Variants in KCNH4 observed in about 807,000 individuals in gnomAD.
The protein encoded by KCNH4 is potassium voltage-gated channel subfamily H member 4, also known as voltage-gated delayed rectifier potassium channel KCNH4.
Under a neutral mutation model 90.7 loss-of-function variants are expected in KCNH4, and 33 were observed. The ratio of observed to expected loss-of-function variants is 0.36; its 90% CI spans 0.28 to 0.49. The LOEUF (loss-of-function observed/expected upper bound fraction) is 0.49, where lower values mean the gene tolerates loss of function less well. Among genes scored for constraint, KCNH4 ranks in the 20% least tolerant of loss-of-function variants. KCNH4 has a pLI of 0.98. For missense variants in KCNH4, 1,044 were observed against 1,387.1 expected (o/e 0.75, Z 3.93); for synonymous variants, 551 against 581.7 (o/e 0.95, Z 0.76).
Position 42,169,612 on chromosome 17 carries a change from G to A in KCNH4, c.1455C>T (p.Arg485=). 1 of 1,614,042 alleles carries A rather than the reference G, an allele frequency of 6.2e-7. No homozygotes were observed. Among genetic ancestry groups the A allele is most frequent in the South Asian group, 1.1e-5 (1 of 91,092 alleles). ...TAIIQRMYSR[R]SLYHSRMKDL... ...CCTTCATGCGGCTGTGGTAGAGCGA[G>A]CGGCGCGAGTACATGCGCTGGATGA... Residue 485 remains arginine, a synonymous_variant, in exon 9 of 17, where the codon CGC becomes CGT. Transcript: ENST00000264661.
At position 42,160,089 on chromosome 17, in the gene KCNH4, G is replaced by A; in HGVS notation, c.3005C>T (p.Pro1002Leu). The A allele has an allele frequency of 1.9e-6, 3 of 1,563,708 alleles. No individual in the cohort carries two copies. The highest frequency in any genetic ancestry group is 2.7e-5 in the African/African-American group (2 of 73,798). Residue 1002 changes from proline (P) to leucine (L), a missense_variant, in exon 16 of 17, where the codon CCA becomes CTA. Transcript: ENST00000264661. ...CTGGAAACTGTGCCTCAAGAGGCTT[G>A]GGGTTGGGGGTGAGGCCTCTGGCAC... Reference protein sequence around the residue: ...SPVPEASPPTPSLLRHSFQSR... With the variant: ...SPVPEASPPTLSLLRHSFQSR...
Position 42,164,488 on chromosome 17 carries a change from AC to A in KCNH4, c.2086-321del, listed in dbSNP as rs373334340. On this transcript the variant is annotated intron_variant, in intron 11 of 16. Coordinates refer to ENST00000264661, the MANE Select transcript of KCNH4 (RefSeq NM_012285.3). ...CCAGAGAGGGGCTTGAAAGAGGAGC[AC>A]ATGAGGGGGTTGTTTCTAAAGGGAG... Among the ~76,000 whole-genome samples the A allele has an allele frequency of 4.8e-4, 73 of 152,290 alleles. No individual in the cohort carries two copies. In the East Asian group the frequency reaches 0.013, roughly 28 times the overall value.
chr17:42,169,279 C>G (rs1317025960), intron 9 of KCNH4, among the ~76,000 whole-genome samples, 198 bp downstream of exon 9: 1 of 151,728 alleles, frequency 6.6e-6, no homozygotes, highest in East Asian at 1.9e-4. Flanking sequence ...AGGGTTTCAC[C>G]ATGTCGCCCA....
chr17:42,169,479 C>G lies in KCNH4; in HGVS notation c.1588G>C (p.Glu530Gln). Reference protein sequence around the residue: ...WAVNSGIDANELLRDFPDELR... With the variant: ...WAVNSGIDANQLLRDFPDELR... ...AGATTGGAGACCCTGCAGGCTACCTCGTTGGCGTCGATGCCGCTGTTGACG... is the reference window on the plus strand; with the variant it reads ...AGATTGGAGACCCTGCAGGCTACCTGGTTGGCGTCGATGCCGCTGTTGACG... Residue 530 changes from glutamate to glutamine, a missense_variant and splice_region_variant, in exon 9 of 17, where the codon GAG (glutamate) becomes CAG (glutamine). Glu to Gln is a conservative substitution (Grantham distance 29, BLOSUM62 2). Transcript: ENST00000264661. The G allele has an allele frequency of 1.9e-6, 3 of 1,612,750 alleles. No individual in the cohort carries two copies. The highest frequency in any genetic ancestry group is 2.5e-6 in the Non-Finnish European group (3 of 1,179,956).
chr17:42,163,480 A>G lies in KCNH4; in HGVS notation c.2477+126T>C. 1.3e-6 allele frequency: 1 copy of G among 762,312 alleles called. No individual in the cohort carries two copies. Among genetic ancestry groups the G allele is most frequent in the East Asian group, 2.7e-5 (1 of 37,370 alleles). The allele number at this position is 762,312 out of a possible 1,614,324, so 47.2% of individuals were successfully genotyped here. ...GGTTGGGGTTGCAAGCTGTGGTTGG[A>G]AGGGTGCGGTGGGCACACGGGCAGA... On this transcript the variant is annotated intron_variant, in intron 13 of 16. Coordinates refer to ENST00000264661, the MANE Select transcript of KCNH4 (RefSeq NM_012285.3). The surrounding 1 kb of genome is among the most constrained non-coding windows in gnomAD (Gnocchi z 5.4).
chr17:42,178,862 G>T lies in KCNH4; in HGVS notation c.241C>A (p.Gln81Lys), dbSNP rs1277023825. The change falls in exon 2 of 17, where the codon CAG (glutamine) becomes AAG (lysine). Residue 81 changes from glutamine to lysine, a missense_variant. Around this residue, in one of 4 missense-constraint regions of KCNH4, gnomAD observed 283 missense variants for 378.6 expected, o/e 0.75. Transcript: ENST00000264661. The stretch of plus-strand genomic sequence containing the variant: ...CCCTCCAGGGCTTTGTGCAGACGCT[G>T]CAGGGCTGGCTCACTGGTCTCTGGG... ...YGPETSEPAL[Q>K]RLHKALEGHQ... is the part of the protein sequence containing the mutation. 6 of 1,614,046 alleles carry T rather than the reference G, an allele frequency of 3.7e-6. No homozygotes were observed. The highest frequency in any genetic ancestry group is 1.6e-4 in the Middle Eastern group (1 of 6,082).
intron 9 of KCNH4, among the ~76,000 whole-genome samples, chr17:42,166,921 CT>C (rs1179720711): frequency 6.6e-6 from 1 of 152,160 alleles, no homozygotes; most frequent in Non-Finnish European, 1.5e-5. Flanking sequence ...CTCGCTGGGC[CT>C]CAGTATCCCA....
At chr17:42,157,537 C>T (rs1163223147) in intron 16 of KCNH4, among the ~76,000 whole-genome samples, 1 of 152,160 alleles carries the variant, frequency 6.6e-6, no homozygotes, top group Non-Finnish European at 1.5e-5. Flanking sequence ...ACAGTGGCCA[C>T]CCAGCCCAGC....
intron 6 of KCNH4, among the ~76,000 whole-genome samples, chr17:42,172,824 C>T (rs2079837074): frequency 6.6e-6 from 1 of 151,848 alleles, no homozygotes; most frequent in South Asian, 2.1e-4. Flanking sequence ...CTCTGCAGAG[C>T]CCCAGTAGCG....
intron 15 of KCNH4, 111 bp downstream of exon 15, chr17:42,162,137 G>A: frequency 1.2e-6 from 1 of 841,894 alleles, no homozygotes; most frequent in Non-Finnish European, 2.0e-6. Flanking sequence ...GCAGAGATAG[G>A]GTTTCATCAT....
rs943837091 is a variant in KCNH4 at position 42,163,545 on chromosome 17, C to T, written c.2477+61G>A. 2.4e-6 allele frequency: 2 copies of T among 840,156 alleles called. No individual in the cohort carries two copies. Among genetic ancestry groups the T allele is most frequent in the Admixed American group, 5.2e-5 (2 of 38,476 alleles). 52.0% of individuals were successfully genotyped at this position (840,156 alleles called of 1,614,324 possible). ...CTGTTTGGAACGCCAGGGATAGAGC[C>T]CAGAGAAGGTTCTGGAAGCCAATAG... On this transcript the variant is annotated intron_variant, in intron 13 of 16. Transcript: ENST00000264661. This position sits in a 1 kb window ranked among gnomAD's most constrained non-coding sequence, Gnocchi z 5.4.
At position 42,163,677 on chromosome 17, in the gene KCNH4, A is replaced by C. The variant is rs756464266; in HGVS notation, c.2406T>G (p.Ser802=). Residue 802 remains serine, a synonymous_variant, in exon 13 of 17, where the codon TCT becomes TCG. Transcript: ENST00000264661. The surrounding 1 kb of genome is among the most constrained non-coding windows in gnomAD (Gnocchi z 5.4). ...SASPHGPPRC[S]AAWKPPQLLI... ...GAAGCTGAGGGGGCTTCCAGGCAGC[A>C]GAGCACCTGGGGGGGCCGTGAGGGG... 4 of 1,508,066 alleles carry C rather than the reference A, an allele frequency of 2.7e-6. No individual in the cohort carries two copies. The highest frequency in any genetic ancestry group is 3.5e-6 in the Non-Finnish European group (4 of 1,128,608). The allele number at this position is 1,508,066 out of a possible 1,614,324, so 93.4% of individuals were successfully genotyped here.
chr17:42,162,191 G>T, intron 15 of KCNH4, 57 bp downstream of exon 15: 1 of 1,476,654 alleles, frequency 6.8e-7, no homozygotes, highest in Non-Finnish European at 9.4e-7. Flanking sequence ...AGTGAGCCAC[G>T]TGTAGGGTCT....
chr17:42,163,831 G>C lies in KCNH4; in HGVS notation c.2252C>G (p.Pro751Arg). The C allele has an allele frequency of 6.6e-7, 1 of 1,517,458 alleles. No individual in the cohort carries two copies. Among genetic ancestry groups the C allele is most frequent in the Non-Finnish European group, 8.8e-7 (1 of 1,132,542 alleles). The allele number at this position is 1,517,458 out of a possible 1,614,324, so 94.0% of individuals were successfully genotyped here. ...RRPLLLPNLSPARPRGSLVSL... is the reference protein window; with the variant it reads ...RRPLLLPNLSRARPRGSLVSL... ...GACCAGGGAGCCCCGAGGCCGTGCT[G>C]GGCTGAGGTTGGGCAGCAGGAGGGG... The change falls in exon 13 of 17, where the codon CCA becomes CGA. Residue 751 changes from proline to arginine, a missense_variant. Around this residue, in one of 4 missense-constraint regions of KCNH4, gnomAD observed 441 missense variants for 512.3 expected, o/e 0.86. Transcript: ENST00000264661. This position sits in a 1 kb window ranked among gnomAD's most constrained non-coding sequence, Gnocchi z 5.4.
In KCNH4 at chr17:42,160,370, C is replaced by T. The variant is rs769242830; in HGVS notation, c.2724G>A (p.Leu908=). Residue 908 remains leucine (L), a synonymous_variant, in exon 16 of 17, where the codon CTG becomes CTA. Transcript: ENST00000264661. ...SRELRHIMGL[L]QARLGPPGHP... ...GGCCTGGGGGACCCAGCCTGGCCTG[C>T]AGCAGGCCCATGATGTGCCGCAGCT... 22 of 1,613,778 alleles carry T rather than the reference C, an allele frequency of 1.4e-5. No homozygotes were observed. Among genetic ancestry groups the T allele is most frequent in the Non-Finnish European group, 1.7e-5 (20 of 1,179,888 alleles).
At position 42,181,043 on chromosome 17, in the gene KCNH4, G is replaced by A; in HGVS notation, c.-98C>T. The A allele has an allele frequency of 9.7e-7, 1 of 1,032,506 alleles. No homozygotes were observed. Among genetic ancestry groups the A allele is most frequent in the South Asian group, 1.5e-5 (1 of 65,846 alleles). The allele number at this position is 1,032,506 out of a possible 1,614,324, so 64.0% of individuals were successfully genotyped here. On this transcript the variant is annotated 5_prime_UTR_variant, in exon 1 of 17. Coordinates refer to ENST00000264661, the MANE Select transcript of KCNH4 (RefSeq NM_012285.3). ...TCGGAGGGGCCGGGGCGCCCCATGCGCCCTCCTGCCTCCTCCCCTCCCTCT... is the reference window on the plus strand; with the variant it reads ...TCGGAGGGGCCGGGGCGCCCCATGCACCCTCCTGCCTCCTCCCCTCCCTCT...
At chr17:42,161,901 A>C (rs1221699465) in intron 15 of KCNH4, among the ~76,000 whole-genome samples, 2 of 150,070 alleles carry the variant, frequency 1.3e-5, no homozygotes, top group African/African-American at 4.9e-5. Context: ...TTAAGTTCAG[A>C]GTGGTTGTGG....
At chr17:42,164,837 G>A (rs1461892872) in intron 11 of KCNH4, among the ~76,000 whole-genome samples, 1 of 149,094 alleles carries the variant, frequency 6.7e-6, no homozygotes, top group Non-Finnish European at 1.5e-5. Context: ...CGGGCATTGT[G>A]GCTCATGCCT....
intron 9 of KCNH4, among the ~76,000 whole-genome samples, chr17:42,168,367 C>T (rs554886865): frequency 2.6e-5 from 4 of 152,226 alleles, no homozygotes; most frequent in Admixed American, 6.5e-5. Context: ...AGAATTTGGC[C>T]GGCTGTGGTG....
Sources: allele counts gnomAD v4.1 joint callset (sites outside exome capture counted in the v4.1 genomes callset), GRCh38; gene constraint gnomAD v4.1.1; regional missense constraint gnomAD v4.1.1; non-coding constraint Gnocchi (gnomAD v3.1); transcripts MANE v1.5; gene names NCBI Gene and HGNC (gene_info 2026-07-23, HGNC 2026-07-21).